The following THSD7A variants were observed in gnomAD, a reference collection of about 807,000 sequenced individuals.
THSD7A encodes thrombospondin type-1 domain-containing protein 7A.
A neutral mutation model predicts 231.3 loss-of-function variants in THSD7A; 96 were observed. The observed-to-expected ratio is 0.41, with a 90% CI of 0.35 to 0.49. The LOEUF (loss-of-function observed/expected upper bound fraction) is 0.49, where lower values mean the gene tolerates loss of function less well. Ranked by LOEUF, THSD7A falls within the 20% of genes least tolerant of loss-of-function variation. THSD7A has a pLI of 0.05. For missense variants in THSD7A, 2,290 were observed against 2,070.2 expected, an observed-to-expected ratio of 1.11 and a Z score of -2.06; for synonymous variants, 940 against 743.3, an observed-to-expected ratio of 1.26 and a Z score of -4.30.
At chr7:11,764,690 C>A (rs1167448554) in intron 1 of THSD7A, among the ~76,000 whole-genome samples, 1 of 151,508 alleles carries the variant, frequency 6.6e-6, no homozygotes, top group Non-Finnish European at 1.5e-5. Context: ...CTGGTTTTAT[C>A]ATAATTTTTA....
intron 1 of THSD7A, among the ~76,000 whole-genome samples, chr7:11,736,551 T>A (rs1312141703): frequency 1.3e-5 from 2 of 151,982 alleles, no homozygotes; most frequent in Non-Finnish European, 2.9e-5. Context: ...CTTTTATTTA[T>A]AGGACTATTT....
At chr7:11,430,836 C>T (rs1293322454) in intron 13 of THSD7A, among the ~76,000 whole-genome samples, 1 of 152,122 alleles carries the variant, frequency 6.6e-6, no homozygotes, top group Non-Finnish European at 1.5e-5. Context: ...TTCTTCAGTC[C>T]TTTCTATGAT....
chr7:11,504,680 A>G (rs1042103665), intron 6 of THSD7A, among the ~76,000 whole-genome samples: 4 of 152,174 alleles, frequency 2.6e-5, no homozygotes, highest in African/African-American at 9.7e-5. Context: ...AGAGTTAAAC[A>G]TTCATCTTGG....
chr7:11,538,662 T>C (rs534467399), intron 6 of THSD7A, among the ~76,000 whole-genome samples: 13 of 152,306 alleles, frequency 8.5e-5, no homozygotes, highest in Admixed American at 5.2e-4. Context: ...TAATGAGCAA[T>C]ATTTGTTCTA....
At chr7:11,491,492 T>C (rs1786892349) in intron 6 of THSD7A, among the ~76,000 whole-genome samples, 1 of 152,116 alleles carries the variant, frequency 6.6e-6, no homozygotes, top group Non-Finnish European at 1.5e-5. Context: ...CTACATTTGG[T>C]CATCAAATCT....
chr7:11,626,415 C>T (rs73676050), intron 2 of THSD7A, among the ~76,000 whole-genome samples: 2,008 of 152,114 alleles, frequency 0.013, 39 homozygotes, highest in African/African-American at 0.045. Context: ...TACAACTTTT[C>T]ATATATCAAG....
chr7:11,575,516 C>A (rs932497440), intron 4 of THSD7A, among the ~76,000 whole-genome samples: 16 of 152,190 alleles, frequency 1.1e-4, no homozygotes, highest in African/African-American at 3.9e-4. Flanking sequence ...ATCCTATCCT[C>A]ACCGCAATGA....
intron 4 of THSD7A, among the ~76,000 whole-genome samples, chr7:11,589,209 T>C (rs1780051031): frequency 1.3e-5 from 2 of 152,226 alleles, no homozygotes; most frequent in African/African-American, 2.4e-5. Flanking sequence ...CTTGTTCTTT[T>C]TCTACCAAGG....
At chr7:11,403,848 C>T (rs1476146500) in intron 22 of THSD7A, among the ~76,000 whole-genome samples, 1 of 152,132 alleles carries the variant, frequency 6.6e-6, no homozygotes, top group Non-Finnish European at 1.5e-5. Flanking sequence ...ATTGTAATAA[C>T]AATAAAATTA....
At chr7:11,397,281 C>T (rs1783224310) in intron 23 of THSD7A, among the ~76,000 whole-genome samples, 1 of 152,142 alleles carries the variant, frequency 6.6e-6, no homozygotes, top group African/African-American at 2.4e-5. Flanking sequence ...ACCATCTGAT[C>T]TTTGACAAGC....
intron 23 of THSD7A, among the ~76,000 whole-genome samples, chr7:11,386,003 G>T (rs1018504426): frequency 1.3e-5 from 2 of 152,134 alleles, no homozygotes; most frequent in Non-Finnish European, 2.9e-5. Flanking sequence ...TGCTAAGAAT[G>T]ATGGTTTCTA....
intron 1 of THSD7A, among the ~76,000 whole-genome samples, chr7:11,646,272 T>C (rs1635179): frequency 1.3e-5 from 2 of 151,850 alleles, no homozygotes; most frequent in Non-Finnish European, 2.9e-5. Flanking sequence ...AAATAATTAC[T>C]ACAACCAAAA....
chr7:11,443,559 T>C (rs754091123), intron 13 of THSD7A, among the ~76,000 whole-genome samples: 14 of 152,054 alleles, frequency 9.2e-5, no homozygotes, highest in Non-Finnish European at 1.9e-4. Context: ...AACATACTTA[T>C]ATGCAGAGCT....
At chr7:11,563,383 G>A (rs1026142703) in intron 4 of THSD7A, among the ~76,000 whole-genome samples, 56 of 152,008 alleles carry the variant, frequency 3.7e-4, no homozygotes, top group African/African-American at 9.4e-4. Context: ...TTTTTGAGAC[G>A]GAGTGTCCCT....
At chr7:11,453,379 A>G (rs977498087) in intron 11 of THSD7A, among the ~76,000 whole-genome samples, 1 of 151,202 alleles carries the variant, frequency 6.6e-6, no homozygotes, top group African/African-American at 2.4e-5. Context: ...CCAATAAGTG[A>G]CACAGGGTGA....
chr7:11,762,369 G>T (rs191027334), intron 1 of THSD7A, among the ~76,000 whole-genome samples: 1 of 152,006 alleles, frequency 6.6e-6, no homozygotes, highest in African/African-American at 2.4e-5. Context: ...ATGTCTAGGC[G>T]GTTCCTTTCT....
Position 11,636,050 on chromosome 7 carries a change from A to G in THSD7A, c.1022+80T>C, listed in dbSNP as rs924976498. On this transcript the variant is annotated intron_variant, in intron 2 of 27. Coordinates refer to ENST00000423059, the MANE Select transcript of THSD7A (RefSeq NM_015204.3). The surrounding 1 kb of genome is among the most constrained non-coding windows in gnomAD (Gnocchi z 10.0). ...TGTGCCCCTACGTAATCCAGAAGTT[A>G]TTAGATAGTACCGGATATCTTAGGT... 82 of 1,326,060 alleles carry G rather than the reference A, an allele frequency of 6.2e-5. No homozygotes were observed. The Middle Eastern group carries it at 1.3e-3, about 21-fold the overall frequency. The allele number at this position is 1,326,060 out of a possible 1,614,324, so 82.1% of individuals were successfully genotyped here.
chr7:11,609,898 T>C (rs1188863486), intron 2 of THSD7A, among the ~76,000 whole-genome samples: 3 of 152,130 alleles, frequency 2.0e-5, no homozygotes, highest in African/African-American at 7.2e-5. Context: ...CCTGCATATC[T>C]GTCCTTTGTT....
chr7:11,576,609 G>A (rs970539724), intron 4 of THSD7A, among the ~76,000 whole-genome samples: 4 of 152,140 alleles, frequency 2.6e-5, no homozygotes, highest in African/African-American at 9.7e-5. Context: ...TACCTTTTCA[G>A]TTAAACTGTA....
Sources: gnomAD v4.1 joint callset for allele counts (sites outside exome capture counted in the v4.1 genomes callset) on GRCh38, gnomAD v4.1.1 for gene constraint, Gnocchi (gnomAD v3.1) non-coding constraint, MANE v1.5 for transcripts, NCBI Gene and HGNC (gene_info 2026-07-23, HGNC 2026-07-21) for gene names.